Variants in IRAG1 observed in about 807,000 individuals in gnomAD.
The protein encoded by IRAG1 is IP3R-associated cGMP kinase substrate.
Under a neutral mutation model 106.2 loss-of-function variants are expected in IRAG1, and 62 were observed. The ratio of observed to expected loss-of-function variants is 0.58; its 90% CI spans 0.48 to 0.72. The LOEUF (loss-of-function observed/expected upper bound fraction) is 0.72, where lower values mean the gene tolerates loss of function less well. Among genes scored for constraint, IRAG1 ranks in the 30% least tolerant of loss-of-function variants. IRAG1 has a pLI of 0.00. For synonymous variants in IRAG1, 462 were observed against 443.9 expected (o/e 1.04, Z -0.51); for missense variants, 1,064 against 1,140.7 (o/e 0.93, Z 0.97).
rs141889650 is a variant in IRAG1 at position 10,586,520 on chromosome 11, C to T, written c.2241-4534G>A. Among the ~76,000 whole-genome samples, 207 of 151,876 alleles carry T rather than the reference C, an allele frequency of 1.4e-3. 1 individual carries two copies. The highest frequency in any genetic ancestry group is 4.8e-3 in the African/African-American group (199 of 41,400). On this transcript the variant is annotated intron_variant, in intron 18 of 20. Transcript: ENST00000423302. ...GCAACCTCCACCTCCCAGGTTCAAG[C>T]GATTCTCCTGCCTCAGCCTCCCAAG...
intron 10 of IRAG1, 71 bp downstream of exon 10, chr11:10,623,707 A>C: frequency 1.4e-6 from 2 of 1,411,060 alleles, no homozygotes; most frequent in Non-Finnish European, 2.0e-6. Flanking sequence ...GTGTTTACAC[A>C]TTCACCTTCC....
intron 1 of IRAG1, among the ~76,000 whole-genome samples, chr11:10,653,201 A>C (rs561527857): frequency 1.3e-5 from 2 of 152,320 alleles, no homozygotes; most frequent in South Asian, 4.1e-4. Flanking sequence ...TTTTGCTTCC[A>C]TGAGGAAAGC....
rs1858079871 is a variant in IRAG1 at position 10,647,719 on chromosome 11, TC to T, written c.225+4305del. ...TTCCTACTGTGGCTGCTGGTCACAG[TC>T]CAGGAACTCATCTAGGCCTAGGTAA... is the stretch of plus-strand genomic sequence containing the variant. On this transcript the variant is annotated intron_variant, in intron 2 of 20. Coordinates refer to ENST00000423302, the MANE Select transcript of IRAG1 (RefSeq NM_130385.4). This position sits in a 1 kb window ranked among gnomAD's most constrained non-coding sequence, Gnocchi z 4.3. Among the ~76,000 whole-genome samples, 1 of 152,102 alleles carries T rather than the reference TC, an allele frequency of 6.6e-6. No homozygotes were observed. Among genetic ancestry groups the T allele is most frequent in the South Asian group, 2.1e-4 (1 of 4,826 alleles).
At position 10,626,170 on chromosome 11, in the gene IRAG1, C is replaced by CG. The variant is rs753918083; in HGVS notation, c.1163dup (p.Leu389AlafsTer12). ...TGTCCCAGGAGAGCCCTCGCAGCAG[C>CG]GGGGGCCGGGACACAGTGGGTGGAA... On this transcript the variant is annotated frameshift_variant, in exon 9 of 21. Transcript: ENST00000423302. LOFTEE classifies it high-confidence loss of function. The CG allele has an allele frequency of 6.5e-7, 1 of 1,542,750 alleles. No homozygotes were observed. Among genetic ancestry groups the CG allele is most frequent in the South Asian group, 1.2e-5 (1 of 80,552 alleles).
At chr11:10,609,884 C>G in intron 10 of IRAG1, 33 bp from the exon 11 acceptor site, 1 of 1,610,518 alleles carries the variant, frequency 6.2e-7, no homozygotes, top group South Asian at 1.1e-5. Flanking sequence ...TAAAATGTCT[C>G]TTTGAAATCA....
At chr11:10,586,012 CCTTT>C (rs1256873407) in intron 18 of IRAG1, 1 of 152,010 alleles carries the variant, frequency 6.6e-6, no homozygotes, top group Non-Finnish European at 1.5e-5. Context: ...AATCCCCCTG[CCTTT>C]CTTTCAACAG....
chr11:10,575,534 G>A lies in IRAG1; in HGVS notation c.*798C>T, dbSNP rs7115310. On this transcript the variant is annotated 3_prime_UTR_variant, in exon 21 of 21. Transcript: ENST00000423302. ...CTCATTGAACAGGTGCCTGGTGACTGCCCCACACTGGTGAAAATCTGTGGG... is the reference window on the plus strand; with the variant it reads ...CTCATTGAACAGGTGCCTGGTGACTACCCCACACTGGTGAAAATCTGTGGG... 0.37 allele frequency: 56,975 copies of A among 152,006 alleles called. 11,531 individuals are homozygous for A. The highest frequency in any genetic ancestry group is 0.7 in the East Asian group (3,622 of 5,154). The allele number at this position is 152,006 out of a possible 1,614,324, so 9.4% of individuals were successfully genotyped here. A position where few individuals can be genotyped will look rare whatever the true frequency, so the allele number is the denominator to read the frequency against.
At chr11:10,686,539 G>C (rs115235907) in intron 1 of IRAG1, among the ~76,000 whole-genome samples, 1 of 152,170 alleles carries the variant, frequency 6.6e-6, no homozygotes. Flanking sequence ...AAGCCTAGTG[G>C]GGAAGCTGCT....
chr11:10,581,938 C>A lies in IRAG1; in HGVS notation c.2289G>T (p.Leu763=). The A allele has an allele frequency of 6.2e-7, 1 of 1,613,912 alleles. No individual in the cohort carries two copies. The highest frequency in any genetic ancestry group is 1.1e-5 in the South Asian group (1 of 91,076). ...TAAGCTCCTCCAGGCAGCTCAGGGT[C>A]AGCGCAGGAGCAGAGGCTTCACAAT... The part of the protein sequence containing the change: ...DPDCEASAPA[L]TLSCLEELSQ... The change falls in exon 19 of 21, where the codon CTG becomes CTT. Residue 763 remains leucine, a synonymous_variant. Transcript: ENST00000423302.
chr11:10,689,697 T>C (rs1861916412), intron 1 of IRAG1, among the ~76,000 whole-genome samples: 1 of 152,180 alleles, frequency 6.6e-6, no homozygotes, highest in African/African-American at 2.4e-5. Flanking sequence ...TGAAAAATCA[T>C]GTTTTGGAGA....
At chr11:10,681,932 G>A (rs1482422109) in intron 1 of IRAG1, among the ~76,000 whole-genome samples, 1 of 152,048 alleles carries the variant, frequency 6.6e-6, no homozygotes, top group African/African-American at 2.4e-5. Context: ...TATTGTCCCA[G>A]CTCTACTCTC....
At chr11:10,601,364 G>A (rs1449947396) in intron 14 of IRAG1, among the ~76,000 whole-genome samples, 1 of 152,200 alleles carries the variant, frequency 6.6e-6, no homozygotes, top group Non-Finnish European at 1.5e-5. Context: ...GATGTAGGAT[G>A]TGAGCAGCAT....
chr11:10,688,753 TAC>T (rs1861845602), intron 1 of IRAG1, among the ~76,000 whole-genome samples: 1 of 152,232 alleles, frequency 6.6e-6, no homozygotes, highest in African/African-American at 2.4e-5. Context: ...GACTCATTTA[TAC>T]ACTATGCTCA....
intron 3 of IRAG1, 130 bp from the exon 4 acceptor site, chr11:10,632,191 T>A: frequency 2.9e-5 from 1 of 35,026 alleles, no homozygotes. Flanking sequence ...TCTTTCTTTC[T>A]TTTTTTTTTT....
At chr11:10,681,799 T>G (rs898038129) in intron 1 of IRAG1, among the ~76,000 whole-genome samples, 3 of 152,216 alleles carry the variant, frequency 2.0e-5, no homozygotes, top group Admixed American at 2.0e-4. Context: ...GAGGTTTCAT[T>G]CATGCATGCA....
At chr11:10,597,885 G>A (rs1317170338) in intron 15 of IRAG1, among the ~76,000 whole-genome samples, 1 of 152,138 alleles carries the variant, frequency 6.6e-6, no homozygotes, top group East Asian at 1.9e-4. Context: ...GTACTTTTCT[G>A]CTTATTTCTA....
At chr11:10,596,737 CTTCAAG>C (rs1367040235) in intron 15 of IRAG1, among the ~76,000 whole-genome samples, 11 of 152,176 alleles carry the variant, frequency 7.2e-5, no homozygotes, top group Non-Finnish European at 1.6e-4. Flanking sequence ...TCAAACCTAT[CTTCAAG>C]TTAACTAATT....
At chr11:10,686,123 C>T (rs1200728515) in intron 1 of IRAG1, among the ~76,000 whole-genome samples, 1 of 152,130 alleles carries the variant, frequency 6.6e-6, no homozygotes, top group African/African-American at 2.4e-5. Flanking sequence ...ATAGAGGACT[C>T]CCATGTGCTC....
chr11:10,639,173 G>T (rs1338102723), intron 2 of IRAG1, among the ~76,000 whole-genome samples: 1 of 152,140 alleles, frequency 6.6e-6, no homozygotes, highest in Non-Finnish European at 1.5e-5. Context: ...GCCTGCCTTG[G>T]CCTCCCAAAG....
Sources: allele counts gnomAD v4.1 joint callset (sites outside exome capture counted in the v4.1 genomes callset), GRCh38; gene constraint gnomAD v4.1.1; non-coding constraint Gnocchi (gnomAD v3.1); transcripts MANE v1.5; gene names NCBI Gene and HGNC (gene_info 2026-07-23, HGNC 2026-07-21).